Variants in NBAS observed in about 807,000 individuals in gnomAD.
NBAS encodes the protein NBAS subunit of NRZ tethering complex, also known as NAG/BC035112 fusion.
In NBAS, 219 loss-of-function variants were observed where a neutral mutation model predicts 302.5. The ratio of observed to expected loss-of-function variants is 0.72; its 90% CI spans 0.65 to 0.81. The LOEUF is 0.81. Among genes scored for constraint, NBAS ranks in the 30% least tolerant of loss-of-function variants. The pLI is 0.00. For synonymous variants in NBAS, 1,118 were observed against 1,021.6 expected (o/e 1.09, Z -1.80); for missense variants, 2,932 against 2,841.6 (o/e 1.03, Z -0.72).
At chr2:15,219,000 C>T in intron 47 of NBAS, 32 bp from the exon 48 acceptor site, 3 of 1,612,270 alleles carry the variant, frequency 1.9e-6, no homozygotes, top group Non-Finnish European at 2.5e-6. Context: ...TATCTGTAAA[C>T]TCCTAAGCCT....
the NBAS span, among the ~76,000 whole-genome samples, chr2:15,040,430 T>C: frequency 9.8e-5 from 15 of 152,292 alleles, no homozygotes; most frequent in East Asian, 1.5e-3. Flanking sequence ...CTTAAGCACA[T>C]GCGTATGGAC....
At chr2:15,110,562 T>G in the NBAS span, among the ~76,000 whole-genome samples, 1 of 152,098 alleles carries the variant, frequency 6.6e-6, no homozygotes, top group East Asian at 1.9e-4. Context: ...GGAGAGAGGC[T>G]GAAAAGAGGC....
chr2:15,500,502 T>TCACACACACACACA (rs72095633), intron 11 of NBAS, among the ~76,000 whole-genome samples: 5 of 136,160 alleles, frequency 3.7e-5, no homozygotes, highest in African/African-American at 1.4e-4. Context: ...TTTAGAAGTC[T>TCACACACACACACA]CACACACACA....
intron 25 of NBAS, among the ~76,000 whole-genome samples, chr2:15,406,552 A>G (rs907018018): frequency 3.3e-5 from 5 of 152,204 alleles, no homozygotes; most frequent in Non-Finnish European, 5.9e-5. Context: ...AAGATCGAAC[A>G]ATTTGACTAC....
chr2:15,008,859 C>T, the NBAS span, among the ~76,000 whole-genome samples: 3 of 152,118 alleles, frequency 2.0e-5, no homozygotes, highest in Non-Finnish European at 2.9e-5. Flanking sequence ...GGTATTCCCA[C>T]CTCATTGTTT....
chr2:15,510,420 T>A (rs531933166), intron 10 of NBAS, among the ~76,000 whole-genome samples: 1 of 152,174 alleles, frequency 6.6e-6, no homozygotes, highest in Non-Finnish European at 1.5e-5. Flanking sequence ...TAAACGGAGA[T>A]AGTGGGACCC....
chr2:14,786,706 A>T, the NBAS span, among the ~76,000 whole-genome samples: 5 of 152,072 alleles, frequency 3.3e-5, no homozygotes, highest in Non-Finnish European at 5.9e-5. Context: ...ATAATTTCTG[A>T]TCTTTTCCAT....
intron 40 of NBAS, among the ~76,000 whole-genome samples, chr2:15,305,742 T>A (rs938095163): frequency 6.6e-6 from 1 of 152,168 alleles, no homozygotes; most frequent in Non-Finnish European, 1.5e-5. Context: ...CCACTGCACC[T>A]GGCCTGGGAA....
chr2:15,343,225 T>C (rs1212276575), intron 35 of NBAS, among the ~76,000 whole-genome samples: 4 of 152,164 alleles, frequency 2.6e-5, no homozygotes, highest in South Asian at 2.1e-4. Context: ...ACTGGCTCCA[T>C]GTATGCATTC....
intron 25 of NBAS, among the ~76,000 whole-genome samples, chr2:15,414,306 C>T (rs886764137): frequency 5.9e-5 from 9 of 152,144 alleles, no homozygotes; most frequent in East Asian, 3.9e-4. Flanking sequence ...TAATGAAGGC[C>T]GGTGCAATGA....
chr2:15,330,265 C>A (rs1007674483), intron 36 of NBAS, among the ~76,000 whole-genome samples: 1 of 152,172 alleles, frequency 6.6e-6, no homozygotes, highest in Admixed American at 6.5e-5. Context: ...CCCAGTCTGC[C>A]TCCGAGCACT....
At chr2:15,378,409 G>T (rs988446596) in intron 30 of NBAS, among the ~76,000 whole-genome samples, 1 of 152,154 alleles carries the variant, frequency 6.6e-6, no homozygotes, top group African/African-American at 2.4e-5. Flanking sequence ...GAACAGCAGC[G>T]TATCAGTCAG....
the NBAS span, among the ~76,000 whole-genome samples, chr2:15,108,106 C>A: frequency 2.6e-5 from 4 of 152,236 alleles, no homozygotes; most frequent in African/African-American, 9.6e-5. Flanking sequence ...TTTGGGATTA[C>A]TTCCAGTTAG....
At position 15,496,097 on chromosome 2, in the gene NBAS, TACAC is replaced by T. The variant is rs61047968; in HGVS notation, c.955-7079_955-7076del. 8.9e-3 allele frequency among the ~76,000 whole-genome samples: 1,280 copies of T among 144,030 alleles called. 7 individuals carry two copies. Among genetic ancestry groups the T allele is most frequent in the Non-Finnish European group, 0.011 (720 of 65,430 alleles). 94.5% of individuals were successfully genotyped at this position (144,030 alleles called of 152,430 possible). On this transcript the variant is annotated intron_variant, in intron 11 of 51. Transcript: ENST00000281513. ...ATACACACACACATACATATACAGA[TACAC>T]ACACACACACACACACACACACACA...
intron 9 of NBAS, among the ~76,000 whole-genome samples, chr2:15,523,429 A>G (rs965733399): frequency 6.6e-6 from 1 of 150,516 alleles, no homozygotes; most frequent in African/African-American, 2.5e-5. Context: ...TTTATAGAGC[A>G]TTTACATTGG....
the NBAS span, among the ~76,000 whole-genome samples, chr2:15,114,398 C>T: frequency 1.3e-5 from 2 of 152,238 alleles, no homozygotes; most frequent in African/African-American, 4.8e-5. Context: ...TTCTTATGAT[C>T]CCAGTCATAC....
chr2:14,932,252 T>C, the NBAS span, among the ~76,000 whole-genome samples: 1 of 152,224 alleles, frequency 6.6e-6, no homozygotes, highest in African/African-American at 2.4e-5. Context: ...CTTCAAACTA[T>C]GCTGCTGTGC....
At chr2:15,261,529 G>A (rs1202592611) in intron 44 of NBAS, among the ~76,000 whole-genome samples, 1 of 152,148 alleles carries the variant, frequency 6.6e-6, no homozygotes, top group Non-Finnish European at 1.5e-5. Flanking sequence ...GAGTAATGCA[G>A]GGTATAGGCC....
intron 44 of NBAS, among the ~76,000 whole-genome samples, chr2:15,243,528 T>A (rs1375675830): frequency 1.3e-5 from 2 of 149,690 alleles, no homozygotes; most frequent in Non-Finnish European, 3.0e-5. Flanking sequence ...ACACAACAGG[T>A]ACCAAGAGGG....
Sources: gnomAD v4.1 joint callset for allele counts (sites outside exome capture counted in the v4.1 genomes callset) on GRCh38, gnomAD v4.1.1 for gene constraint, MANE v1.5 for transcripts, NCBI Gene and HGNC (gene_info 2026-07-23, HGNC 2026-07-21) for gene names.